The following SLC12A2 variants were observed in gnomAD, a reference collection of about 807,000 sequenced individuals.
SLC12A2 encodes solute carrier family 12 member 2.
SLC12A2 carries 67 observed loss-of-function variants against 136.3 expected under a neutral mutation model. The observed-to-expected ratio is 0.49, with a 90% CI of 0.40 to 0.60. The LOEUF (loss-of-function observed/expected upper bound fraction) is 0.60, where lower values mean the gene tolerates loss of function less well. Ranked by LOEUF, SLC12A2 falls within the 20% of genes least tolerant of loss-of-function variation. The pLI is 0.00. For synonymous variants in SLC12A2, 619 were observed against 562.9 expected (o/e 1.10, Z -1.41); for missense variants, 1,322 against 1,534.7 (o/e 0.86, Z 2.32).
intron 5 of SLC12A2, among the ~76,000 whole-genome samples, chr5:128,133,468 G>A (rs1197993801): frequency 1.3e-5 from 2 of 152,030 alleles, no homozygotes; most frequent in Non-Finnish European, 2.9e-5. Context: ...CTTAAAAGAA[G>A]CAAATTGATA....
intron 2 of SLC12A2, among the ~76,000 whole-genome samples, chr5:128,113,393 A>T (rs1280624198): frequency 6.6e-6 from 1 of 152,202 alleles, no homozygotes; most frequent in Non-Finnish European, 1.5e-5. Flanking sequence ...CAGGAGAAAT[A>T]CTTAAATGTT....
At chr5:128,184,607 C>A in intron 25 of SLC12A2, 106 bp downstream of exon 25, 1 of 1,311,392 alleles carries the variant, frequency 7.6e-7, no homozygotes, top group Non-Finnish European at 1.0e-6. Context: ...ATGAACTCTA[C>A]TTTAAAATAG....
chr5:128,130,333 G>T (rs937793236), intron 4 of SLC12A2, among the ~76,000 whole-genome samples: 2 of 151,986 alleles, frequency 1.3e-5, no homozygotes, highest in African/African-American at 4.8e-5. Flanking sequence ...TGGCCAACAT[G>T]GTGAAACCCC....
At chr5:128,146,407 A>G (rs1047024811) in intron 10 of SLC12A2, among the ~76,000 whole-genome samples, 1 of 151,654 alleles carries the variant, frequency 6.6e-6, no homozygotes, top group African/African-American at 2.4e-5. Flanking sequence ...AATCTAGGGG[A>G]GTTTCTAGCC....
In SLC12A2 at chr5:128,084,504, AGCCTGCACTCCGGCGGCG is replaced by A; in HGVS notation, c.553_570del (p.Leu185_Gly190del). On this transcript the variant is annotated inframe_deletion, in exon 1 of 27. Transcript: ENST00000262461. This position sits in a 1 kb window ranked among gnomAD's most constrained non-coding sequence, Gnocchi z 5.6. ...GGACACGGTGCTGAGCGAGGGCAGC[AGCCTGCACTCCGGCGGCG>A]GCGGCGGCAGTGGGCACCACCAGCA... The A allele has an allele frequency of 6.2e-7, 1 of 1,611,684 alleles. No individual in the cohort carries two copies. The highest frequency in any genetic ancestry group is 8.5e-7 in the Non-Finnish European group (1 of 1,179,468).
intron 1 of SLC12A2, among the ~76,000 whole-genome samples, chr5:128,101,483 A>C (rs1457945153): frequency 6.6e-6 from 1 of 152,184 alleles, no homozygotes; most frequent in Non-Finnish European, 1.5e-5. Context: ...TGGCATTTTT[A>C]GGTGGACTTT....
Position 128,130,688 on chromosome 5 carries a change from A to C in SLC12A2, c.1049-379A>C, listed in dbSNP as rs141429049. On this transcript the variant is annotated intron_variant, in intron 4 of 26. Transcript: ENST00000262461. ...CAGTGAAACTGTTTCTGAAAACAAA[A>C]AAAAAAGCATAAAAATAAAAGTTAC... Among the ~76,000 whole-genome samples, 312 of 152,214 alleles carry C rather than the reference A, an allele frequency of 2.0e-3. 1 individual carries two copies. Among genetic ancestry groups the C allele is most frequent in the African/African-American group, 7.1e-3 (294 of 41,526 alleles).
chr5:128,084,025 C>T lies in SLC12A2; in HGVS notation c.71C>T (p.Ala24Val). The T allele has an allele frequency of 7.9e-7, 1 of 1,262,958 alleles. No individual in the cohort carries two copies. Among genetic ancestry groups the T allele is most frequent in the Non-Finnish European group, 9.9e-7 (1 of 1,006,606 alleles). The allele number at this position is 1,262,958 out of a possible 1,614,324, so 78.2% of individuals were successfully genotyped here. ...GLAGVGETPS[A>V]AALAAARVEL... ...GCCGGGGTCGGGGAGACGCCGTCAG[C>T]CGCTGCGCTGGCCGCAGCCAGGGTG... The change falls in exon 1 of 27, where the codon GCC becomes GTC. Residue 24 changes from alanine (A) to valine (V), a missense_variant. By Grantham distance (64) the Ala-to-Val change is moderately conservative (BLOSUM62 0). Transcript: ENST00000262461. The surrounding 1 kb of genome is among the most constrained non-coding windows in gnomAD (Gnocchi z 5.6).
At chr5:128,170,091 T>C (rs1394359131) in intron 18 of SLC12A2, 2 of 152,226 alleles carry the variant, frequency 1.3e-5, no homozygotes, top group African/African-American at 4.8e-5. Flanking sequence ...TTAAGTATGC[T>C]TTATATATTG....
chr5:128,149,645 C>T (rs1190479555), intron 12 of SLC12A2, among the ~76,000 whole-genome samples: 2 of 151,742 alleles, frequency 1.3e-5, no homozygotes, highest in Non-Finnish European at 3.0e-5. Flanking sequence ...GATCAAATTT[C>T]AGAATGATAC....
At position 128,150,126 on chromosome 5, in the gene SLC12A2, T is replaced by C. The variant is rs764687988; in HGVS notation, c.2107+28T>C. The C allele has an allele frequency of 4.4e-6, 6 of 1,360,586 alleles. No individual in the cohort carries two copies. The Admixed American group carries it at 6.9e-5, about 16-fold the overall frequency. 84.3% of individuals were successfully genotyped at this position (1,360,586 alleles called of 1,614,324 possible). A position where few individuals can be genotyped will look rare whatever the true frequency, so the allele number is the denominator to read the frequency against. ...AATTTTACATTTTTAAAAAAGTTTG[T>C]AAATATCATTTTTGATTGCAAAGAA... is the stretch of plus-strand genomic sequence containing the variant. On this transcript the variant is annotated intron_variant, in intron 13 of 26. Coordinates refer to ENST00000262461, the MANE Select transcript of SLC12A2 (RefSeq NM_001046.3).
chr5:128,165,926 C>CG, intron 17 of SLC12A2, among the ~76,000 whole-genome samples: 1 of 143,908 alleles, frequency 6.9e-6, no homozygotes, highest in South Asian at 2.4e-4. Flanking sequence ...CCTCCCCCCC[C>CG]CCCCCCCAGT....
chr5:128,116,741 A>G (rs1295982368), intron 4 of SLC12A2, among the ~76,000 whole-genome samples: 1 of 152,180 alleles, frequency 6.6e-6, no homozygotes, highest in Non-Finnish European at 1.5e-5. Flanking sequence ...GAAGGCATTC[A>G]TTTTTCACTT....
rs537762117 is a variant in SLC12A2 at position 128,156,886 on chromosome 5, G to A, written c.2364-1167G>A. Among the ~76,000 whole-genome samples the A allele has an allele frequency of 5.3e-5, 8 of 152,172 alleles. 1 individual carries two copies. Among genetic ancestry groups the A allele is most frequent in the Admixed American group, 4.6e-4 (7 of 15,270 alleles). On this transcript the variant is annotated intron_variant, in intron 15 of 26. Coordinates refer to ENST00000262461, the MANE Select transcript of SLC12A2 (RefSeq NM_001046.3). ...CCCTGGAAATAGGAACATACTTATG[G>A]GCTATAAGTTAGTCATTGGGCCACA...
At chr5:128,110,306 A>G (rs1311487415) in intron 1 of SLC12A2, 1 of 846,016 alleles carries the variant, frequency 1.2e-6, no homozygotes, top group African/African-American at 1.7e-5. Context: ...CTACGACTTG[A>G]CTGACTGTTT....
At position 128,084,323 on chromosome 5, in the gene SLC12A2, C is replaced by A; in HGVS notation, c.369C>A (p.Ser123Arg). 1 of 1,552,464 alleles carries A rather than the reference C, an allele frequency of 6.4e-7. No homozygotes were observed. The highest frequency in any genetic ancestry group is 8.7e-7 in the Non-Finnish European group (1 of 1,154,664). Reference sequence around the variant, plus strand: ...AGACCCCCGCGGACGGGGAAGCCAGCGGCGAGAGCGAGCCGGCTAAAGGCA... The same window carrying A: ...AGACCCCCGCGGACGGGGAAGCCAGAGGCGAGAGCGAGCCGGCTAAAGGCA... ...AKQTPADGEA[S>R]GESEPAKGSE... Residue 123 changes from serine to arginine, a missense_variant, in exon 1 of 27, where the codon AGC becomes AGA. Around this residue, in one of 8 missense-constraint regions of SLC12A2, gnomAD observed 358 missense variants for 299.7 expected, o/e 1.19. Transcript: ENST00000262461. The surrounding 1 kb of genome is among the most constrained non-coding windows in gnomAD (Gnocchi z 5.6).
In SLC12A2 at chr5:128,134,227, C is replaced by A. The variant is rs750277953; in HGVS notation, c.1251C>A (p.Val417=). The change falls in exon 6 of 27, where the codon GTC becomes GTA. Residue 417 remains valine (V), a synonymous_variant. Transcript: ENST00000262461. ...TCCGAATTATTGGAGCCATTACAGT[C>A]GTGATTCTTTTAGGTATCTCAGTAG... is the stretch of plus-strand genomic sequence containing the variant. ...NDIRIIGAIT[V]VILLGISVAG... 1.1e-5 allele frequency: 18 copies of A among 1,607,530 alleles called. No individual in the cohort carries two copies. Among genetic ancestry groups the A allele is most frequent in the Non-Finnish European group, 1.5e-5 (18 of 1,174,578 alleles).
intron 1 of SLC12A2, among the ~76,000 whole-genome samples, chr5:128,111,567 C>T (rs1761144576): frequency 6.6e-6 from 1 of 151,846 alleles, no homozygotes; most frequent in African/African-American, 2.4e-5. Flanking sequence ...AGATCGAGAC[C>T]ATCCTGGCTA....
intron 19 of SLC12A2, among the ~76,000 whole-genome samples, chr5:128,173,132 G>C (rs2126748369): frequency 6.6e-6 from 1 of 152,174 alleles, no homozygotes. Context: ...ATACGTAAGA[G>C]GTATCTGCTT....
Sources: gnomAD v4.1 joint callset for allele counts (sites outside exome capture counted in the v4.1 genomes callset) on GRCh38, gnomAD v4.1.1 for gene constraint, gnomAD v4.1.1 regional missense constraint, Gnocchi (gnomAD v3.1) non-coding constraint, MANE v1.5 for transcripts, NCBI Gene and HGNC (gene_info 2026-07-23, HGNC 2026-07-21) for gene names.